Variants in XIRP1 observed in about 807,000 individuals in gnomAD.
XIRP1 encodes the protein xin actin-binding repeat-containing protein 1.
For synonymous variants in XIRP1, 984 were observed against 947.0 expected (o/e 1.04, Z -0.72); for missense variants, 2,378 against 2,345.4 (o/e 1.01, Z -0.29).
chr3:39,186,539 G>A lies in XIRP1; in HGVS notation c.2907C>T (p.Ser969=). 1 of 1,612,404 alleles carries A rather than the reference G, an allele frequency of 6.2e-7. No homozygotes were observed. The highest frequency in any genetic ancestry group is 2.2e-5 in the East Asian group (1 of 44,824). ...EGAQSLHPTE[S]IIHVPPLDPS... is the part of the protein sequence containing the mutation. ...GGTCCAGTGGGGGAACATGGATGATGCTCTCAGTTGGGTGCAGGCTCTGGG... is the reference window on the plus strand; with the variant it reads ...GGTCCAGTGGGGGAACATGGATGATACTCTCAGTTGGGTGCAGGCTCTGGG... Residue 969 remains serine (S), a synonymous_variant, in exon 2 of 2, where the codon AGC becomes AGT. Transcript: ENST00000340369.
rs778850551 is a variant in XIRP1, at chr3:39,189,089, C to T, written c.357G>A (p.Leu119=). Residue 119 remains leucine, a synonymous_variant, in exon 2 of 2, where the codon CTG becomes CTA. Coordinates refer to ENST00000340369, the MANE Select transcript of XIRP1 (RefSeq NM_194293.4). The part of the protein sequence containing the change: ...HERPAAKEPV[L]CGDVQATSRK... The stretch of plus-strand genomic sequence containing the variant: ...GGGAGGTGGCCTGGACGTCACCACA[C>T]AGCACGGGCTCCTTGGCAGCTGGCC... The T allele has an allele frequency of 2.5e-6, 4 of 1,614,206 alleles. No homozygotes were observed. In the Admixed American group the frequency reaches 5.0e-5, roughly 20 times the overall value.
In XIRP1 at chr3:39,186,792, C is replaced by A; in HGVS notation, c.2654G>T (p.Gly885Val). 1 of 1,614,034 alleles carries A rather than the reference C, an allele frequency of 6.2e-7. No homozygotes were observed. Among genetic ancestry groups the A allele is most frequent in the Non-Finnish European group, 8.5e-7 (1 of 1,179,992 alleles). Residue 885 changes from glycine (G) to valine (V), a missense_variant, in exon 2 of 2, where the codon GGT becomes GTT. Coordinates refer to ENST00000340369, the MANE Select transcript of XIRP1 (RefSeq NM_194293.4). Reference protein sequence around the residue: ...DPELQQLLACGLGTSVARTGL... With the variant: ...DPELQQLLACVLGTSVARTGL... ...AGTCCTTGCCACGGAGGTCCCAAGACCGCAAGCCAGCAGCTGCTGGAGCTC... is the reference window on the plus strand; with the variant it reads ...AGTCCTTGCCACGGAGGTCCCAAGAACGCAAGCCAGCAGCTGCTGGAGCTC...
chr3:39,186,960 C>A lies in XIRP1; in HGVS notation c.2486G>T (p.Arg829Met). 1 of 1,609,406 alleles carries A rather than the reference C, an allele frequency of 6.2e-7. No homozygotes were observed. The highest frequency in any genetic ancestry group is 1.3e-5 in the African/African-American group (1 of 74,948). ...KEELVSGELP[R>M]IICQVLRRPD... The stretch of plus-strand genomic sequence containing the variant: ...CCGGCGCAGGACTTGGCAGATGATC[C>A]TGGGAAGTTCACCTGACACCAGCTC... The change falls in exon 2 of 2, where the codon AGG becomes ATG. Residue 829 changes from arginine to methionine, a missense_variant. By Grantham distance (91) the Arg-to-Met change is moderately conservative (BLOSUM62 -1). Transcript: ENST00000340369.
rs780299707 is a variant in XIRP1, at chr3:39,185,570, A to G, written c.3876T>C (p.Leu1292=). ...GGCCAGCAGGGCTGCTGTGGGAGTG[A>G]AGAAGGGGGTCCTTCAGGGGCTCAG... The part of the protein sequence containing the change: ...QASEPLKDPL[L]HSHSSPAGQR... The change falls in exon 2 of 2, where the codon CTT becomes CTC. Residue 1292 remains leucine, a synonymous_variant. Transcript: ENST00000340369. 1.1e-5 allele frequency: 18 copies of G among 1,582,182 alleles called. No individual in the cohort carries two copies. The highest frequency in any genetic ancestry group is 1.5e-5 in the Non-Finnish European group (17 of 1,163,146).
At position 39,187,058 on chromosome 3, in the gene XIRP1, C is replaced by T. The variant is rs372765289; in HGVS notation, c.2388G>A (p.Gly796=). 1.2e-6 allele frequency: 2 copies of T among 1,612,686 alleles called. No individual in the cohort carries two copies. Among genetic ancestry groups the T allele is most frequent in the Non-Finnish European group, 1.7e-6 (2 of 1,178,814 alleles). Reference sequence around the variant, plus strand: ...ACTTGGCAAGACAGAGCTCCCCTGGCCCTCGGGCCTCCATGAGGATGCCTC... The same window carrying T: ...ACTTGGCAAGACAGAGCTCCCCTGGTCCTCGGGCCTCCATGAGGATGCCTC... ...HHGGILMEAR[G]PGELCLAKYV... is the part of the protein sequence containing the mutation. The change falls in exon 2 of 2, where the codon GGG becomes GGA. Residue 796 remains glycine, a synonymous_variant. Transcript: ENST00000340369.
rs1463998281 is a variant in XIRP1, at chr3:39,189,401, C to A, written c.45G>T (p.Arg15Ser). 1 of 1,608,882 alleles carries A rather than the reference C, an allele frequency of 6.2e-7. No homozygotes were observed. The highest frequency in any genetic ancestry group is 2.2e-5 in the East Asian group (1 of 44,860). ...GGGGCAGGTCCTCTGCAGTTGCCAT[C>A]CTCATGGTTGGTGTGGGGGCCACCT... ...QTQVAPTPTM[R>S]MATAEDLPLP... The change falls in exon 2 of 2, where the codon AGG becomes AGT. Residue 15 changes from arginine (R) to serine (S), a missense_variant. Arg to Ser is a moderately radical substitution (Grantham distance 110). Transcript: ENST00000340369.
chr3:39,185,864 C>T lies in XIRP1; in HGVS notation c.3582G>A (p.Glu1194=). ...CCATCTGTGTGCAGCCCCCAGGCTC[C>T]TCCCGCCCTGGCCCAGTACTCTGAC... ...GPGQSTGPGR[E]EPGGCTQMAW... The change falls in exon 2 of 2, where the codon GAG becomes GAA. Residue 1194 remains glutamate (E), a synonymous_variant. Transcript: ENST00000340369. 2 of 1,613,580 alleles carry T rather than the reference C, an allele frequency of 1.2e-6. No individual in the cohort carries two copies. The highest frequency in any genetic ancestry group is 1.1e-5 in the South Asian group (1 of 91,030).
chr3:39,184,091 A>T lies in XIRP1; in HGVS notation c.5355T>A (p.Ser1785=), dbSNP rs113382149. 6.2e-7 allele frequency: 1 copy of T among 1,607,202 alleles called. No individual in the cohort carries two copies. Among genetic ancestry groups the T allele is most frequent in the Admixed American group, 1.7e-5 (1 of 59,724 alleles). Residue 1785 remains serine, a synonymous_variant, in exon 2 of 2, where the codon TCT becomes TCA. Transcript: ENST00000340369. The stretch of plus-strand genomic sequence containing the variant: ...CTGCCTGCTCGGTGACTGTGGTGGA[A>T]GACATGAGGACTGTGTTCCCAAACT... The part of the protein sequence containing the change: ...VDQFGNTVLM[S]STTVTEQAEP...
At position 39,187,127 on chromosome 3, in the gene XIRP1, C is replaced by T. The variant is rs1303965108; in HGVS notation, c.2319G>A (p.Gly773=). The change falls in exon 2 of 2, where the codon GGG becomes GGA. Residue 773 remains glycine (G), a synonymous_variant. Transcript: ENST00000340369. ...GTGTGGCATGCAGAGTCCGCAGGGT[C>T]CCCTCAGCTGCAGTCTCCTGGCTCT... ...MQESQETAAE[G]TLRTLHATPG... is the part of the protein sequence containing the mutation. 3 of 1,613,026 alleles carry T rather than the reference C, an allele frequency of 1.9e-6. No homozygotes were observed. The highest frequency in any genetic ancestry group is 3.3e-5 in the Admixed American group (2 of 60,012).
chr3:39,188,641 C>A lies in XIRP1; in HGVS notation c.805G>T (p.Ala269Ser). The part of the protein sequence containing the change: ...EEIQSNAVRS[A>S]RWLFETRPLD... The stretch of plus-strand genomic sequence containing the variant: ...GGCCGGGTCTCAAAGAGCCAGCGGG[C>A]AGACCTCACCGCGTTGCTTTGGATC... Residue 269 changes from alanine to serine, a missense_variant, in exon 2 of 2, where the codon GCC becomes TCC. By Grantham distance (99) the Ala-to-Ser change is moderately conservative. Transcript: ENST00000340369. 1 of 1,613,280 alleles carries A rather than the reference C, an allele frequency of 6.2e-7. No individual in the cohort carries two copies. Among genetic ancestry groups the A allele is most frequent in the Non-Finnish European group, 8.5e-7 (1 of 1,180,014 alleles).
chr3:39,188,026 C>T lies in XIRP1; in HGVS notation c.1420G>A (p.Gly474Arg). The change falls in exon 2 of 2, where the codon GGG becomes AGG. Residue 474 changes from glycine to arginine, a missense_variant. Coordinates refer to ENST00000340369, the MANE Select transcript of XIRP1 (RefSeq NM_194293.4). ...PSREEGTDSAGQAQGIGSPVY... is the reference protein window; with the variant it reads ...PSREEGTDSARQAQGIGSPVY... ...GGGGACCCTATGCCCTGGGCCTGCC[C>T]AGCAGAATCAGTTCCTTCTTCTCTG... 1 of 1,614,216 alleles carries T rather than the reference C, an allele frequency of 6.2e-7. No individual in the cohort carries two copies.
At position 39,187,463 on chromosome 3, in the gene XIRP1, G is replaced by C. The variant is rs767794827; in HGVS notation, c.1983C>G (p.His661Gln). 3 of 1,613,918 alleles carry C rather than the reference G, an allele frequency of 1.9e-6. No homozygotes were observed. The highest frequency in any genetic ancestry group is 1.3e-5 in the African/African-American group (1 of 75,040). ...CCTGAAGAGGCTCGGTCTCAAAGAC[G>C]TGTCTGTCTGTCTGTCTTTCCCCAG... ...VPAGERQTDR[H>Q]VFETEPLQAS... Residue 661 changes from histidine to glutamine, a missense_variant, in exon 2 of 2, where the codon CAC becomes CAG. Physicochemically the swap from His to Gln is conservative, Grantham distance 24. Coordinates refer to ENST00000340369, the MANE Select transcript of XIRP1 (RefSeq NM_194293.4).
At position 39,187,988 on chromosome 3, in the gene XIRP1, C is replaced by A; in HGVS notation, c.1458G>T (p.Met486Ile). The A allele has an allele frequency of 6.2e-7, 1 of 1,614,220 alleles. No homozygotes were observed. Among genetic ancestry groups the A allele is most frequent in the Non-Finnish European group, 8.5e-7 (1 of 1,180,038 alleles). The change falls in exon 2 of 2, where the codon ATG becomes ATT. Residue 486 changes from methionine (M) to isoleucine (I), a missense_variant. Transcript: ENST00000340369. ...CATGGAGGCGGCCCTTGCTGTCCTG[C>A]ATGGCATACACTGGGGACCCTATGC... Reference protein sequence around the residue: ...AQGIGSPVYAMQDSKGRLHAL... With the variant: ...AQGIGSPVYAIQDSKGRLHAL...
chr3:39,188,152 C>A lies in XIRP1; in HGVS notation c.1294G>T (p.Asp432Tyr). 2 of 1,614,210 alleles carry A rather than the reference C, an allele frequency of 1.2e-6. No homozygotes were observed. The highest frequency in any genetic ancestry group is 1.7e-6 in the Non-Finnish European group (2 of 1,180,040). ...GTCTTCACATCCCCCTTTAGCTCATCCCTCTGGGGGGCACTCTGAGAGAAG... is the reference window on the plus strand; with the variant it reads ...GTCTTCACATCCCCCTTTAGCTCATACCTCTGGGGGGCACTCTGAGAGAAG... Reference protein sequence around the residue: ...LPFSQSAPQRDELKGDVKTFK... With the variant: ...LPFSQSAPQRYELKGDVKTFK... Residue 432 changes from aspartate to tyrosine, a missense_variant, in exon 2 of 2, where the codon GAT (aspartate) becomes TAT (tyrosine). Coordinates refer to ENST00000340369, the MANE Select transcript of XIRP1 (RefSeq NM_194293.4).
In XIRP1 at chr3:39,187,509, A is replaced by G. The variant is rs748015632; in HGVS notation, c.1937T>C (p.Leu646Pro). The change falls in exon 2 of 2, where the codon CTG (leucine) becomes CCG (proline). Residue 646 changes from leucine to proline, a missense_variant. Coordinates refer to ENST00000340369, the MANE Select transcript of XIRP1 (RefSeq NM_194293.4). ...DRPVGSREQH[L>P]QVSQVPAGER... is the part of the protein sequence containing the mutation. ...CCCAGCCGGGACCTGGCTAACCTGCAGGTGCTGCTCCCTGGAGCCCACTGG... is the reference window on the plus strand; with the variant it reads ...CCCAGCCGGGACCTGGCTAACCTGCGGGTGCTGCTCCCTGGAGCCCACTGG... 1 of 1,614,064 alleles carries G rather than the reference A, an allele frequency of 6.2e-7. No individual in the cohort carries two copies. The highest frequency in any genetic ancestry group is 8.5e-7 in the Non-Finnish European group (1 of 1,180,050).
In XIRP1 at chr3:39,186,937, G is replaced by A. The variant is rs370728555; in HGVS notation, c.2509C>T (p.Arg837Trp). 18 of 1,613,172 alleles carry A rather than the reference G, an allele frequency of 1.1e-5. No homozygotes were observed. Among genetic ancestry groups the A allele is most frequent in the African/African-American group, 2.7e-5 (2 of 74,902 alleles). The change falls in exon 2 of 2, where the codon CGG becomes TGG. Residue 837 changes from arginine (R) to tryptophan (W), a missense_variant. Arg to Trp is a moderately radical substitution (Grantham distance 101). Coordinates refer to ENST00000340369, the MANE Select transcript of XIRP1 (RefSeq NM_194293.4). ...LPRIICQVLR[R>W]PDVDQQGLLV... ...AGCCCCTGCTGGTCCACATCTGGCC[G>A]GCGCAGGACTTGGCAGATGATCCTG...
rs1047202971 is a variant in XIRP1, at chr3:39,186,338, T to C, written c.3108A>G (p.Ser1036=). Residue 1036 remains serine (S), a synonymous_variant, in exon 2 of 2, where the codon TCA becomes TCG. Coordinates refer to ENST00000340369, the MANE Select transcript of XIRP1 (RefSeq NM_194293.4). ...CCGGAGGGGTAGTCGTGGCTCCTTC[T>C]GACTTTCCCAAGACTGCCATCCCTT... ...GQKGMAVLGK[S]EGATTTPPGP... The C allele has an allele frequency of 1.7e-5, 27 of 1,614,034 alleles. No individual in the cohort carries two copies. Among genetic ancestry groups the C allele is most frequent in the Non-Finnish European group, 2.3e-5 (27 of 1,180,018 alleles).
In XIRP1 at chr3:39,191,918, A is replaced by T. The variant is rs2125905235; in HGVS notation, c.-81+528T>A. 1.3e-5 allele frequency among the ~76,000 whole-genome samples: 2 copies of T among 152,318 alleles called. 1 individual carries two copies. The highest frequency in any genetic ancestry group is 6.8e-3 in the Middle Eastern group (2 of 294). On this transcript the variant is annotated intron_variant, in intron 1 of 1. Coordinates refer to ENST00000340369, the MANE Select transcript of XIRP1 (RefSeq NM_194293.4). Reference sequence around the variant, plus strand: ...TCCACCCCAGGTTTTAGGCTATGATATGTAGGGAGCTGGGCTCCGGCCAGC... The same window carrying T: ...TCCACCCCAGGTTTTAGGCTATGATTTGTAGGGAGCTGGGCTCCGGCCAGC...
Position 39,184,264 on chromosome 3 carries a change from A to G in XIRP1, c.5182T>C (p.Ser1728Pro). ...KTGKKDITQC[S>P]VQPEPAPPSA... ...GGAGGGGCAGGTTCAGGTTGCACAG[A>G]GCACTGGGTGATGTCCTTCTTCCCA... Residue 1728 changes from serine to proline, a missense_variant, in exon 2 of 2, where the codon TCT (serine) becomes CCT (proline). Ser to Pro is a moderately conservative substitution (Grantham distance 74). Transcript: ENST00000340369. 1 of 1,614,138 alleles carries G rather than the reference A, an allele frequency of 6.2e-7. No individual in the cohort carries two copies. The highest frequency in any genetic ancestry group is 8.5e-7 in the Non-Finnish European group (1 of 1,180,000).
Sources: gnomAD v4.1 joint callset for allele counts (sites outside exome capture counted in the v4.1 genomes callset) on GRCh38, gnomAD v4.1.1 for gene constraint, MANE v1.5 for transcripts, NCBI Gene and HGNC (gene_info 2026-07-23, HGNC 2026-07-21) for gene names.